NEGR1: variants seen among roughly 807,000 people sequenced by gnomAD.
NEGR1 encodes the protein IgLON family member 4.
In NEGR1, 10 loss-of-function variants were observed where a neutral mutation model predicts 40.9. That is an observed-to-expected ratio of 0.24 (90% CI 0.15 to 0.42). The LOEUF (loss-of-function observed/expected upper bound fraction) is 0.42. Among genes scored for constraint, NEGR1 ranks in the 10% least tolerant of loss-of-function variants. NEGR1 has a pLI of 1.00. For synonymous variants in NEGR1, 185 were observed against 166.8 expected (o/e 1.11, Z -0.84); for missense variants, 352 against 438.9 (o/e 0.80, Z 1.77).
At chr1:71,706,147 C>G (rs552166724) in intron 3 of NEGR1, among the ~76,000 whole-genome samples, 2 of 152,208 alleles carry the variant, frequency 1.3e-5, no homozygotes, top group African/African-American at 4.8e-5. Flanking sequence ...TGCAGCTGTG[C>G]GGTGCACAGA....
intron 1 of NEGR1, among the ~76,000 whole-genome samples, chr1:72,155,455 A>C (rs771604510): frequency 6.6e-6 from 1 of 152,006 alleles, no homozygotes; most frequent in Non-Finnish European, 1.5e-5. Flanking sequence ...GGCAAGGATG[A>C]TATCTCTTTA....
At chr1:71,830,616 A>C (rs1006284845) in intron 2 of NEGR1, among the ~76,000 whole-genome samples, 8 of 151,932 alleles carry the variant, frequency 5.3e-5, no homozygotes, top group African/African-American at 1.9e-4. Context: ...CAGTTAGTTC[A>C]ATGTTAGTAA....
intron 2 of NEGR1, among the ~76,000 whole-genome samples, chr1:71,791,367 T>C (rs1657110044): frequency 6.6e-6 from 1 of 152,126 alleles, no homozygotes; most frequent in African/African-American, 2.4e-5. Flanking sequence ...TGAATCTATA[T>C]GGTAGAAATG....
intron 1 of NEGR1, among the ~76,000 whole-genome samples, chr1:72,088,796 CTTTTTTTTTTTTTT>C (rs71074816): frequency 9.3e-5 from 7 of 74,906 alleles, no homozygotes; most frequent in Admixed American, 1.8e-4. Context: ...CTCTCTCTCT[CTTTTTTTTTTTTTT>C]TTTTTTTTTT....
At chr1:71,532,702 A>G (rs1257168402) in intron 6 of NEGR1, among the ~76,000 whole-genome samples, 1 of 151,604 alleles carries the variant, frequency 6.6e-6, no homozygotes, top group African/African-American at 2.4e-5. Flanking sequence ...ACAAAATCCA[A>G]CAGGAGGACA....
intron 6 of NEGR1, among the ~76,000 whole-genome samples, chr1:71,469,913 A>G (rs1646770751): frequency 6.6e-6 from 1 of 152,114 alleles, no homozygotes; most frequent in South Asian, 2.1e-4. Flanking sequence ...ATATAACCCA[A>G]CAAAGAGCAG....
chr1:71,546,824 C>G (rs142335145), intron 6 of NEGR1, among the ~76,000 whole-genome samples: 8 of 151,506 alleles, frequency 5.3e-5, no homozygotes, highest in South Asian at 2.1e-4. Flanking sequence ...GAAAAGAAAG[C>G]CTGCAGGACT....
chr1:72,119,984 ATTAC>A (rs984104459), intron 1 of NEGR1, among the ~76,000 whole-genome samples: 41 of 152,126 alleles, frequency 2.7e-4, no homozygotes, highest in African/African-American at 9.4e-4. Context: ...TAAATGATTA[ATTAC>A]GAAAAATGAC....
At chr1:71,592,071 T>C (rs79325809) in intron 6 of NEGR1, among the ~76,000 whole-genome samples, 5,663 of 152,162 alleles carry the variant, frequency 0.037, 345 homozygotes, top group African/African-American at 0.13. Flanking sequence ...TTTGAACATT[T>C]TGAGAAACAT....
chr1:71,981,696 T>C (rs1402594987), intron 1 of NEGR1, among the ~76,000 whole-genome samples: 1 of 152,086 alleles, frequency 6.6e-6, no homozygotes, highest in East Asian at 1.9e-4. Flanking sequence ...CATTATGGAT[T>C]CAAGGTTTTG....
chr1:71,739,199 G>C (rs1005223807), intron 3 of NEGR1, among the ~76,000 whole-genome samples: 2 of 63,664 alleles, frequency 3.1e-5, no homozygotes, highest in Admixed American at 3.5e-4. Flanking sequence ...AAGGCAGGCA[G>C]AAAAAAAAAA....
At chr1:71,751,423 G>A (rs539880062) in intron 3 of NEGR1, among the ~76,000 whole-genome samples, 2 of 152,268 alleles carry the variant, frequency 1.3e-5, no homozygotes, top group Non-Finnish European at 2.9e-5. Flanking sequence ...CCTGTTAAGG[G>A]CATTTAAGAG....
chr1:71,701,814 G>T (rs1161285912), intron 3 of NEGR1, among the ~76,000 whole-genome samples: 1 of 152,056 alleles, frequency 6.6e-6, no homozygotes, highest in Admixed American at 6.6e-5. Flanking sequence ...ATAAATTGCT[G>T]AAGTTATTAA....
intron 1 of NEGR1, among the ~76,000 whole-genome samples, chr1:72,077,571 C>A (rs1411942923): frequency 6.6e-6 from 1 of 151,912 alleles, no homozygotes; most frequent in Admixed American, 6.6e-5. Flanking sequence ...TGGGGTATGG[C>A]TTGTGCCCAA....
At chr1:71,697,797 C>A in intron 4 of NEGR1, 2 of 542,806 alleles carry the variant, frequency 3.7e-6, no homozygotes, top group Non-Finnish European at 3.3e-6. Flanking sequence ...CTCCATACAT[C>A]AGACTGAATT....
chr1:71,997,535 C>T (rs80086501), intron 1 of NEGR1, among the ~76,000 whole-genome samples: 3,466 of 151,982 alleles, frequency 0.023, 118 homozygotes, highest in African/African-American at 0.079. Flanking sequence ...AACTTTCTAC[C>T]CTATAGTCTA....
intron 6 of NEGR1, among the ~76,000 whole-genome samples, chr1:71,534,187 C>T (rs1647442288): frequency 6.6e-6 from 1 of 151,664 alleles, no homozygotes; most frequent in Non-Finnish European, 1.5e-5. Context: ...AAAAAATTTC[C>T]AGTCCCTTTG....
intron 2 of NEGR1, among the ~76,000 whole-genome samples, chr1:71,912,611 G>A (rs1661448680): frequency 6.6e-6 from 1 of 152,122 alleles, no homozygotes; most frequent in Admixed American, 6.5e-5. Context: ...ATGTCTTAAA[G>A]GGGAGTATAG....
chr1:71,893,961 C>T (rs1660885461), intron 2 of NEGR1, among the ~76,000 whole-genome samples: 1 of 44,284 alleles, frequency 2.3e-5, no homozygotes, highest in African/African-American at 8.3e-5. Flanking sequence ...TCTCAGTAAA[C>T]TATCGCAAGA....
Sources: allele counts gnomAD v4.1 joint callset (sites outside exome capture counted in the v4.1 genomes callset), GRCh38; gene constraint gnomAD v4.1.1; transcripts MANE v1.5; gene names NCBI Gene and HGNC (gene_info 2026-07-23, HGNC 2026-07-21).